OSBPL9: variants seen among roughly 807,000 people sequenced by gnomAD.
The protein encoded by OSBPL9 is oxysterol binding protein like 9, also known as oxysterol-binding protein-related protein 9.
OSBPL9 carries 40 observed loss-of-function variants against 106.6 expected under a neutral mutation model. The ratio of observed to expected loss-of-function variants is 0.38; its 90% CI spans 0.29 to 0.49. OSBPL9 has a LOEUF of 0.49. Among genes scored for constraint, OSBPL9 ranks in the 20% least tolerant of loss-of-function variants. The probability of loss-of-function intolerance (pLI) is 0.97; values close to 1 mark genes in which losing one functional copy is unlikely to be tolerated. For synonymous variants in OSBPL9, 269 were observed against 295.4 expected (o/e 0.91, Z 0.92); for missense variants, 609 against 887.2 (o/e 0.69, Z 3.98).
intron 4 of OSBPL9, among the ~76,000 whole-genome samples, chr1:51,720,717 C>A (rs72663130): frequency 0.01 from 1,530 of 151,364 alleles, 10 homozygotes; most frequent in Non-Finnish European, 0.015. Flanking sequence ...AGAAATTGGG[C>A]ATTAATTGTC....
chr1:51,785,959 C>CATT, intron 21 of OSBPL9, 73 bp downstream of exon 21: 1 of 1,228,792 alleles, frequency 8.1e-7, no homozygotes, highest in South Asian at 1.3e-5. Context: ...TGGCTTCCTT[C>CATT]ATTAGTACTT....
intron 1 of OSBPL9, among the ~76,000 whole-genome samples, chr1:51,597,117 C>T (rs768518651): frequency 1.3e-5 from 2 of 152,102 alleles, no homozygotes; most frequent in African/African-American, 2.4e-5. Context: ...GAGTTTGTCA[C>T]ATTTGAGCAT....
chr1:51,765,632 C>A, intron 11 of OSBPL9, 190 bp from the exon 12 acceptor site: 1 of 462,196 alleles, frequency 2.2e-6, no homozygotes, highest in Admixed American at 4.1e-5. Context: ...AGGCTGTGTC[C>A]TCATTTTATA....
upstream of OSBPL9, among the ~76,000 whole-genome samples, chr1:51,573,255 T>A (rs1645162452): frequency 6.7e-6 from 1 of 150,134 alleles, no homozygotes; most frequent in Admixed American, 6.6e-5. Flanking sequence ...ACACCTATAA[T>A]CCCAACACTT....
intron 1 of OSBPL9, among the ~76,000 whole-genome samples, chr1:51,590,915 A>C (rs1035798350): frequency 6.9e-6 from 1 of 145,434 alleles, no homozygotes; most frequent in African/African-American, 2.6e-5. Context: ...ATGCCTGGCT[A>C]ATTTTTTTTT....
intron 4 of OSBPL9, among the ~76,000 whole-genome samples, chr1:51,728,266 T>A (rs1430494191): frequency 6.6e-6 from 1 of 152,074 alleles, no homozygotes; most frequent in African/African-American, 2.4e-5. Flanking sequence ...GTAATAAAAT[T>A]GGTTATAGAA....
At chr1:51,635,440 C>T (rs1303279534) in intron 1 of OSBPL9, among the ~76,000 whole-genome samples, 1 of 152,312 alleles carries the variant, frequency 6.6e-6, no homozygotes, top group East Asian at 1.9e-4. Context: ...AGATACAAGT[C>T]TCCCCTACCA....
chr1:51,786,376 C>A lies in OSBPL9; in HGVS notation c.1909-150C>A, dbSNP rs1446446664. ...CTACTGCCCACTCAGTGTTCTTAAA[C>A]AGAGGAAAGATGTTATGAAATTAAC... is the stretch of plus-strand genomic sequence containing the variant. On this transcript the variant is annotated intron_variant, in intron 21 of 23. Coordinates refer to ENST00000428468, the MANE Select transcript of OSBPL9 (RefSeq NM_024586.6). 3 of 595,190 alleles carry A rather than the reference C, an allele frequency of 5.0e-6. No homozygotes were observed. In the East Asian group the frequency reaches 8.6e-5, roughly 17 times the overall value. The allele number at this position is 595,190 out of a possible 1,614,324, so 36.9% of individuals were successfully genotyped here.
chr1:51,588,033 G>A (rs1293480570), intron 1 of OSBPL9, among the ~76,000 whole-genome samples: 1 of 152,088 alleles, frequency 6.6e-6, no homozygotes, highest in East Asian at 2.0e-4. Flanking sequence ...CTGAAAGAGT[G>A]AATAATAGGA....
the OSBPL9 span, chr1:51,518,302 A>T: frequency 6.6e-6 from 1 of 152,438 alleles, no homozygotes; most frequent in African/African-American, 2.4e-5. Flanking sequence ...TTTGACAGGA[A>T]GCAACGAGGC....
chr1:51,736,769 G>A (rs1229386139), intron 4 of OSBPL9, among the ~76,000 whole-genome samples: 1 of 152,100 alleles, frequency 6.6e-6, no homozygotes, highest in Non-Finnish European at 1.5e-5. Context: ...TGAGGTTGGG[G>A]AATGGAAGAA....
chr1:51,578,270 T>C (rs1338015104), intron 1 of OSBPL9, among the ~76,000 whole-genome samples: 3 of 152,214 alleles, frequency 2.0e-5, no homozygotes, highest in Non-Finnish European at 4.4e-5. Context: ...GTTGTATAAC[T>C]TTGGCCTTGA....
intron 1 of OSBPL9, among the ~76,000 whole-genome samples, chr1:51,638,028 C>A (rs1188351841): frequency 6.6e-6 from 1 of 152,186 alleles, no homozygotes; most frequent in Non-Finnish European, 1.5e-5. Flanking sequence ...TGTTCCATCT[C>A]TTAAAGATGA....
At chr1:51,752,430 G>A (rs184825356) in intron 8 of OSBPL9, 14 of 413,312 alleles carry the variant, frequency 3.4e-5, no homozygotes, top group Middle Eastern at 3.5e-4. Flanking sequence ...CTTTTTCTTC[G>A]TGGCCTCGTA....
chr1:51,528,547 G>GA, the OSBPL9 span, among the ~76,000 whole-genome samples: 22 of 143,388 alleles, frequency 1.5e-4, no homozygotes, highest in East Asian at 8.2e-4. Context: ...CTGTCTCGGG[G>GA]AAAAAAAAAA....
At chr1:51,540,761 C>T in the OSBPL9 span, among the ~76,000 whole-genome samples, 232 of 151,956 alleles carry the variant, frequency 1.5e-3, no homozygotes, top group African/African-American at 5.3e-3. Flanking sequence ...GAATTCCAGA[C>T]CAGCCTGGCC....
At chr1:51,724,570 T>TACC (rs1355967081) in intron 4 of OSBPL9, among the ~76,000 whole-genome samples, 5 of 152,134 alleles carry the variant, frequency 3.3e-5, no homozygotes, top group South Asian at 4.1e-4. Flanking sequence ...AGGTGTGAGC[T>TACC]ACCACGCCTG....
At chr1:51,739,272 T>C (rs1292309442) in intron 4 of OSBPL9, among the ~76,000 whole-genome samples, 1 of 151,986 alleles carries the variant, frequency 6.6e-6, no homozygotes, top group East Asian at 1.9e-4. Flanking sequence ...AGCTGGATGA[T>C]TTGGGTAAGC....
intron 4 of OSBPL9, among the ~76,000 whole-genome samples, chr1:51,738,378 A>G (rs541202639): frequency 2.0e-5 from 3 of 152,130 alleles, no homozygotes; most frequent in Non-Finnish European, 2.9e-5. Flanking sequence ...AACATTACAC[A>G]TAAACCTTTC....
Sources: allele counts gnomAD v4.1 joint callset (sites outside exome capture counted in the v4.1 genomes callset), GRCh38; gene constraint gnomAD v4.1.1; transcripts MANE v1.5; gene names NCBI Gene and HGNC (gene_info 2026-07-23, HGNC 2026-07-21).